Variants in CEP112 observed in about 807,000 individuals in gnomAD.
The protein encoded by CEP112 is centrosomal protein of 112 kDa.
CEP112 carries 127 observed loss-of-function variants against 153.0 expected under a neutral mutation model. That is an observed-to-expected ratio of 0.83 (90% CI 0.72 to 0.96). The LOEUF (loss-of-function observed/expected upper bound fraction) is 0.96, where lower values mean the gene tolerates loss of function less well. CEP112 is among the 40% of genes least tolerant of loss of function. The pLI is 0.00. For missense variants in CEP112, 1,089 were observed against 1,101.2 expected, an observed-to-expected ratio of 0.99 and a Z score of 0.16; for synonymous variants, 358 against 374.4, an observed-to-expected ratio of 0.96 and a Z score of 0.51.
chr17:66,045,078 T>A (rs1443297), intron 12 of CEP112, among the ~76,000 whole-genome samples: 112,084 of 135,610 alleles, frequency 0.83, 44,313 homozygotes, highest in East Asian at 0.92. Flanking sequence ...AAAAAAAAAA[T>A]TTTTTTTTTT....
intron 17 of CEP112, among the ~76,000 whole-genome samples, chr17:65,994,959 C>T (rs2063729961): frequency 6.6e-6 from 1 of 152,132 alleles, no homozygotes; most frequent in African/African-American, 2.4e-5. Context: ...CTGAACTAAA[C>T]ATCTTTCATG....
At chr17:65,882,220 T>C (rs534045091) in intron 20 of CEP112, among the ~76,000 whole-genome samples, 2 of 152,342 alleles carry the variant, frequency 1.3e-5, no homozygotes, top group South Asian at 2.1e-4. Flanking sequence ...TACATCTCCT[T>C]CTTCACGGTT....
chr17:65,718,251 C>CA (rs928190749), intron 23 of CEP112, among the ~76,000 whole-genome samples: 2 of 151,902 alleles, frequency 1.3e-5, no homozygotes, highest in Non-Finnish European at 2.9e-5. Flanking sequence ...ACTAAAAATA[C>CA]AAAAAATCTA....
chr17:66,028,125 C>T (rs2065300360), intron 15 of CEP112, among the ~76,000 whole-genome samples, 188 bp downstream of exon 15: 1 of 20,528 alleles, frequency 4.9e-5, no homozygotes, highest in Non-Finnish European at 1.8e-4. Flanking sequence ...GTACTTTATT[C>T]TCTACATCTC....
chr17:65,888,010 C>T (rs1397828248), intron 20 of CEP112, among the ~76,000 whole-genome samples: 1 of 152,078 alleles, frequency 6.6e-6, no homozygotes, highest in Non-Finnish European at 1.5e-5. Flanking sequence ...TGCTCCAACC[C>T]ACCTCCAGAT....
At chr17:65,985,657 AATG>A (rs1215088872) in intron 17 of CEP112, among the ~76,000 whole-genome samples, 1 of 152,190 alleles carries the variant, frequency 6.6e-6, no homozygotes, top group Non-Finnish European at 1.5e-5. Context: ...CAACAGAGAA[AATG>A]ATGATGTTTC....
intron 1 of CEP112, among the ~76,000 whole-genome samples, chr17:66,185,962 C>A (rs902746772): frequency 1.3e-5 from 2 of 152,074 alleles, no homozygotes; most frequent in African/African-American, 2.4e-5. Flanking sequence ...GTAGCTTTTA[C>A]TTGCTGACTT....
chr17:66,021,213 A>G (rs973861), intron 16 of CEP112, among the ~76,000 whole-genome samples: 62,426 of 151,918 alleles, frequency 0.41, 14,290 homozygotes, highest in East Asian at 0.87. Flanking sequence ...TCTTGATTCT[A>G]ACTCATATCA....
At chr17:65,805,186 G>A (rs1233113479) in intron 21 of CEP112, among the ~76,000 whole-genome samples, 1 of 151,982 alleles carries the variant, frequency 6.6e-6, no homozygotes, top group African/African-American at 2.4e-5. Flanking sequence ...AGTCATAAGT[G>A]TCCTCATTAA....
At chr17:65,971,533 AATGTATGTTGC>A (rs773467449) in intron 17 of CEP112, among the ~76,000 whole-genome samples, 1 of 151,394 alleles carries the variant, frequency 6.6e-6, no homozygotes, top group Non-Finnish European at 1.5e-5. Context: ...GTATCACCTA[AATGTATGTTGC>A]ATGTATGTTA....
intron 18 of CEP112, among the ~76,000 whole-genome samples, chr17:65,937,483 A>G (rs1599073867): frequency 5.0e-5 from 6 of 118,896 alleles, no homozygotes; most frequent in African/African-American, 8.5e-5. Context: ...CTGAGAAGTG[A>G]GGAGACCCTC....
At chr17:66,070,426 C>G (rs2067269121) in intron 8 of CEP112, among the ~76,000 whole-genome samples, 1 of 151,904 alleles carries the variant, frequency 6.6e-6, no homozygotes, top group South Asian at 2.1e-4. Flanking sequence ...TTTTAAAATA[C>G]TCTAATTAAC....
chr17:65,928,001 A>C (rs1247083490), intron 18 of CEP112, among the ~76,000 whole-genome samples: 2 of 152,224 alleles, frequency 1.3e-5, no homozygotes, highest in African/African-American at 4.8e-5. Flanking sequence ...TATGTGCTGA[A>C]TGAGATAAAA....
chr17:65,983,485 T>C (rs1348376), intron 17 of CEP112, among the ~76,000 whole-genome samples: 141,798 of 152,232 alleles, frequency 0.93, 66,210 homozygotes, highest in East Asian at 0.97. Flanking sequence ...GGTGTTGGCT[T>C]ATGGGAGTGA....
chr17:66,088,412 C>T (rs1003882067), intron 8 of CEP112, among the ~76,000 whole-genome samples: 3 of 152,136 alleles, frequency 2.0e-5, no homozygotes, highest in South Asian at 2.1e-4. Flanking sequence ...TTCAGGCCTA[C>T]CCAGGAACCA....
At chr17:66,151,780 G>A (rs2071221072) in intron 4 of CEP112, among the ~76,000 whole-genome samples, 1 of 152,020 alleles carries the variant, frequency 6.6e-6, no homozygotes, top group African/African-American at 2.4e-5. Context: ...GAATAGAAGT[G>A]GATTCTCCCC....
At chr17:65,923,410 T>C (rs2060803591) in intron 19 of CEP112, among the ~76,000 whole-genome samples, 1 of 152,210 alleles carries the variant, frequency 6.6e-6, no homozygotes, top group Non-Finnish European at 1.5e-5. Context: ...CCAGGCACGG[T>C]GGCTCAAGCC....
chr17:65,886,947 T>G (rs937243722), intron 20 of CEP112, among the ~76,000 whole-genome samples: 2 of 152,172 alleles, frequency 1.3e-5, no homozygotes, highest in African/African-American at 4.8e-5. Context: ...TGGGGGACAC[T>G]CTTCTAAGAT....
intron 21 of CEP112, among the ~76,000 whole-genome samples, chr17:65,822,374 C>G (rs1377280465): frequency 6.6e-6 from 1 of 152,090 alleles, no homozygotes; most frequent in East Asian, 1.9e-4. Flanking sequence ...CACCTTTAAA[C>G]AAAATGGCAG....
Sources: gnomAD v4.1 joint callset for allele counts (sites outside exome capture counted in the v4.1 genomes callset) on GRCh38, gnomAD v4.1.1 for gene constraint, MANE v1.5 for transcripts, NCBI Gene and HGNC (gene_info 2026-07-23, HGNC 2026-07-21) for gene names.